The following CENPW variants were observed in gnomAD, a reference collection of about 807,000 sequenced individuals.
CENPW encodes cancer-up-regulated gene 2 protein.
In CENPW, 3 loss-of-function variants were observed where a neutral mutation model predicts 11.1. That is an observed-to-expected ratio of 0.27 (90% CI 0.12 to 0.70). The LOEUF is 0.70. Ranked by LOEUF, CENPW falls within the 30% of genes least tolerant of loss-of-function variation. CENPW has a pLI of 0.77. For missense variants in CENPW, 100 were observed against 105.6 expected (o/e 0.95, Z 0.23); for synonymous variants, 38 against 42.0 (o/e 0.91, Z 0.37).
the CENPW span, among the ~76,000 whole-genome samples, chr6:126,385,320 A>G: frequency 6.6e-6 from 1 of 152,164 alleles, no homozygotes; most frequent in Non-Finnish European, 1.5e-5. Context: ...TGTTAATCAG[A>G]GTGCTATTCA....
At chr6:126,452,064 G>A in the CENPW span, among the ~76,000 whole-genome samples, 1 of 151,034 alleles carries the variant, frequency 6.6e-6, no homozygotes, top group Non-Finnish European at 1.5e-5. Flanking sequence ...TTTGACAACT[G>A]AAGTGACATT....
At chr6:126,457,044 T>C in the CENPW span, among the ~76,000 whole-genome samples, 4 of 151,112 alleles carry the variant, frequency 2.6e-5, no homozygotes, top group Non-Finnish European at 5.9e-5. Context: ...AAAAAAATAA[T>C]GGATGCTGGC....
the CENPW span, among the ~76,000 whole-genome samples, chr6:126,384,299 C>CA: frequency 6.6e-6 from 1 of 151,858 alleles, no homozygotes; most frequent in Non-Finnish European, 1.5e-5. Context: ...TATATGGAAC[C>CA]AAAAAAGAGT....
chr6:126,369,051 T>G, the CENPW span, among the ~76,000 whole-genome samples: 1 of 152,156 alleles, frequency 6.6e-6, no homozygotes, highest in Non-Finnish European at 1.5e-5. Context: ...GGTTTTCCAT[T>G]CCCGAGTTAC....
the CENPW span, among the ~76,000 whole-genome samples, chr6:126,438,290 G>A: frequency 2.0e-5 from 3 of 151,616 alleles, no homozygotes; most frequent in East Asian, 1.9e-4. Context: ...AAACATATAT[G>A]AAGTATTTCA....
chr6:126,344,034 A>AT (rs1780362444), intron 1 of CENPW, among the ~76,000 whole-genome samples: 2 of 151,874 alleles, frequency 1.3e-5, no homozygotes, highest in Non-Finnish European at 1.5e-5. Context: ...TTAAAAAAAA[A>AT]TTTTTTTGCC....
At chr6:126,463,990 T>A in the CENPW span, among the ~76,000 whole-genome samples, 1 of 151,966 alleles carries the variant, frequency 6.6e-6, no homozygotes, top group Non-Finnish European at 1.5e-5. Flanking sequence ...GACAGAGACA[T>A]AATAAGATCT....
chr6:126,396,206 A>G, the CENPW span, among the ~76,000 whole-genome samples: 10 of 152,040 alleles, frequency 6.6e-5, no homozygotes, highest in African/African-American at 2.2e-4. Context: ...AGAAATCTAT[A>G]TGGTGTTCTA....
the CENPW span, among the ~76,000 whole-genome samples, chr6:126,449,773 A>G: frequency 6.6e-6 from 1 of 151,094 alleles, no homozygotes; most frequent in Admixed American, 6.6e-5. Flanking sequence ...TTCTATAAAT[A>G]TCCTTGCTCA....
chr6:126,441,566 T>C, the CENPW span, among the ~76,000 whole-genome samples: 7 of 151,496 alleles, frequency 4.6e-5, no homozygotes, highest in Non-Finnish European at 8.9e-5. Flanking sequence ...CTGAGCAGTG[T>C]ACACTGTGCC....
chr6:126,363,940 A>G, the CENPW span, among the ~76,000 whole-genome samples: 2 of 152,304 alleles, frequency 1.3e-5, no homozygotes, highest in East Asian at 3.9e-4. Flanking sequence ...TTCAGCACCA[A>G]AGGGGACCTT....
the CENPW span, among the ~76,000 whole-genome samples, chr6:126,375,850 A>G: frequency 6.6e-6 from 1 of 152,096 alleles, no homozygotes; most frequent in South Asian, 2.1e-4. Flanking sequence ...ATGAATTTCT[A>G]ATCCTTTACT....
chr6:126,353,028 C>T (rs568301744), downstream of CENPW, among the ~76,000 whole-genome samples: 2 of 152,018 alleles, frequency 1.3e-5, no homozygotes, highest in Admixed American at 1.3e-4. Context: ...ATTTCTAGAA[C>T]CTTAGAAGGC....
At chr6:126,353,962 G>C in the CENPW span, among the ~76,000 whole-genome samples, 1 of 151,712 alleles carries the variant, frequency 6.6e-6, no homozygotes, top group South Asian at 2.1e-4. Flanking sequence ...ATTCTCTGAG[G>C]AAATTCTTAA....
the CENPW span, among the ~76,000 whole-genome samples, chr6:126,381,859 A>G: frequency 6.6e-6 from 1 of 152,174 alleles, no homozygotes; most frequent in Non-Finnish European, 1.5e-5. Context: ...CTAAAGTTAG[A>G]GCACACAGTT....
At chr6:126,418,302 A>G in the CENPW span, among the ~76,000 whole-genome samples, 1 of 152,254 alleles carries the variant, frequency 6.6e-6, no homozygotes, top group Non-Finnish European at 1.5e-5. Flanking sequence ...ATAAATGCTC[A>G]TAGCAGCGTT....
the CENPW span, among the ~76,000 whole-genome samples, chr6:126,467,127 G>A: frequency 2.6e-5 from 4 of 151,980 alleles, no homozygotes; most frequent in African/African-American, 4.8e-5. Context: ...CTTTCCACAG[G>A]CTAGAAAAAA....
the CENPW span, among the ~76,000 whole-genome samples, chr6:126,358,307 C>A: frequency 2.9e-4 from 44 of 152,198 alleles, no homozygotes; most frequent in African/African-American, 1.0e-3. Flanking sequence ...AATAGTTCCA[C>A]CTTCTGCCTA....
At chr6:126,349,787 T>C (rs1319714562), downstream of CENPW, among the ~76,000 whole-genome samples, 3 of 152,280 alleles carry the variant, frequency 2.0e-5, no homozygotes, top group Admixed American at 2.0e-4. Flanking sequence ...GGATTTTATA[T>C]GGACATAAAT....
Sources: allele counts gnomAD v4.1 joint callset (sites outside exome capture counted in the v4.1 genomes callset), GRCh38; gene constraint gnomAD v4.1.1; transcripts MANE v1.5; gene names NCBI Gene and HGNC (gene_info 2026-07-23, HGNC 2026-07-21).